Variants in CEP162 observed in about 807,000 individuals in gnomAD.
CEP162 encodes centrosomal protein 162.
CEP162 carries 141 observed loss-of-function variants against 169.2 expected under a neutral mutation model. The ratio of observed to expected loss-of-function variants is 0.83; its 90% confidence interval spans 0.73 to 0.96. The LOEUF is 0.96. Among genes scored for constraint, CEP162 ranks in the 40% least tolerant of loss-of-function variants. The pLI is 0.00. For missense variants in CEP162, 1,600 were observed against 1,587.2 expected, an observed-to-expected ratio of 1.01 and a Z score of -0.14; for synonymous variants, 540 against 526.4, an observed-to-expected ratio of 1.03 and a Z score of -0.35.
intron 24 of CEP162, among the ~76,000 whole-genome samples, chr6:84,148,332 C>G (rs1474340094): frequency 6.6e-6 from 1 of 151,978 alleles, no homozygotes; most frequent in Non-Finnish European, 1.5e-5. Context: ...AGTTCGAGAC[C>G]AACCTGGCCA....
At chr6:84,130,738 T>G (rs1284251950) in intron 25 of CEP162, among the ~76,000 whole-genome samples, 1 of 152,114 alleles carries the variant, frequency 6.6e-6, no homozygotes, top group East Asian at 1.9e-4. Context: ...TCTATTTGAT[T>G]CTTCTCTCTT....
At chr6:84,163,096 AG>A in intron 19 of CEP162, 47 bp downstream of exon 19, 1 of 1,570,964 alleles carries the variant, frequency 6.4e-7, no homozygotes, top group Non-Finnish European at 8.7e-7. Flanking sequence ...ATTCAACATT[AG>A]AACAGTTATG....
At chr6:84,203,947 G>T in intron 7 of CEP162, 34 bp downstream of exon 7, 1 of 1,373,142 alleles carries the variant, frequency 7.3e-7, no homozygotes, top group Non-Finnish European at 1.0e-6. Flanking sequence ...GAAAAAAGTT[G>T]CAAAACTGTC....
At chr6:84,204,473 TGAC>T (rs1310464933) in intron 6 of CEP162, among the ~76,000 whole-genome samples, 1 of 152,218 alleles carries the variant, frequency 6.6e-6, no homozygotes, top group Non-Finnish European at 1.5e-5. Context: ...TGCTCCTGAA[TGAC>T]TACTGGGTAA....
chr6:84,132,098 C>T (rs371509141), intron 25 of CEP162, among the ~76,000 whole-genome samples: 25 of 152,188 alleles, frequency 1.6e-4, no homozygotes, highest in East Asian at 1.2e-3. Context: ...CCTTCACTTA[C>T]GAAGCTTAGT....
intron 2 of CEP162, among the ~76,000 whole-genome samples, chr6:84,224,957 A>G (rs1049615563): frequency 6.6e-6 from 1 of 152,244 alleles, no homozygotes; most frequent in African/African-American, 2.4e-5. Context: ...CCAAGTGCCT[A>G]TTACATCTTG....
chr6:84,166,953 A>G (rs1396760630), intron 18 of CEP162, among the ~76,000 whole-genome samples: 1 of 152,198 alleles, frequency 6.6e-6, no homozygotes, highest in Non-Finnish European at 1.5e-5. Context: ...AAAAATTCCC[A>G]AATAATTTTT....
chr6:84,153,000 T>A lies in CEP162; in HGVS notation c.3174A>T (p.Glu1058Asp). The change falls in exon 23 of 27, where the codon GAA (glutamate) becomes GAT (aspartate). Residue 1058 changes from glutamate to aspartate, a missense_variant. Transcript: ENST00000403245. Reference sequence around the variant, plus strand: ...CTTTATCATTTTTCTTGACGTCTAATTCAGCATTCTGATGTTTAAGAACGT... The same window carrying A: ...CTTTATCATTTTTCTTGACGTCTAAATCAGCATTCTGATGTTTAAGAACGT... ...EIDVLKHQNA[E>D]LDVKKNDKDD... The A allele has an allele frequency of 1.2e-6, 2 of 1,613,626 alleles. No individual in the cohort carries two copies. The highest frequency in any genetic ancestry group is 1.1e-5 in the South Asian group (1 of 91,062).
At chr6:84,140,360 G>A (rs921972805) in intron 25 of CEP162, among the ~76,000 whole-genome samples, 4 of 152,144 alleles carry the variant, frequency 2.6e-5, no homozygotes, top group Admixed American at 2.0e-4. Context: ...TGGGAGGCTT[G>A]AAACACCATT....
At chr6:84,129,979 A>AGCATG (rs2099510602) in intron 25 of CEP162, among the ~76,000 whole-genome samples, 1 of 152,210 alleles carries the variant, frequency 6.6e-6, no homozygotes, top group African/African-American at 2.4e-5. Context: ...TTGCCCATTC[A>AGCATG]GCATGATATT....
chr6:84,160,715 G>T, intron 21 of CEP162, 97 bp downstream of exon 21: 1 of 714,668 alleles, frequency 1.4e-6, no homozygotes, highest in Non-Finnish European at 2.5e-6. Context: ...AAAATTTCCA[G>T]GTCAACTCCA....
chr6:84,163,233 A>G lies in CEP162; in HGVS notation c.2423T>C (p.Leu808Pro). 1 of 1,611,426 alleles carries G rather than the reference A, an allele frequency of 6.2e-7. No homozygotes were observed. Among genetic ancestry groups the G allele is most frequent in the Non-Finnish European group, 8.5e-7 (1 of 1,177,956 alleles). Residue 808 changes from leucine (L) to proline (P), a missense_variant, in exon 19 of 27, where the codon CTG (leucine) becomes CCG (proline). Transcript: ENST00000403245. ...KDSLLEDIKR[L>P]KQDKQALEVD... Reference sequence around the variant, plus strand: ...TTCAAGAGCTTGTTTGTCTTGTTTCAGTCTTTTGATGTCTTCCAATAAACT... The same window carrying G: ...TTCAAGAGCTTGTTTGTCTTGTTTCGGTCTTTTGATGTCTTCCAATAAACT...
chr6:84,176,576 C>A (rs1467359829), intron 13 of CEP162, among the ~76,000 whole-genome samples: 3 of 152,178 alleles, frequency 2.0e-5, no homozygotes, highest in Non-Finnish European at 4.4e-5. Flanking sequence ...AAAATCCAAA[C>A]TGCTCTAAAA....
chr6:84,189,390 G>A (rs960215640), intron 11 of CEP162, among the ~76,000 whole-genome samples: 6 of 152,150 alleles, frequency 3.9e-5, no homozygotes, highest in East Asian at 1.9e-4. Flanking sequence ...AGCGGGAACC[G>A]GGGCTGCGTG....
chr6:84,131,760 A>G (rs112293792), intron 25 of CEP162, among the ~76,000 whole-genome samples: 6,641 of 152,062 alleles, frequency 0.044, 472 homozygotes, highest in African/African-American at 0.15. Context: ...GGGTCTCCTG[A>G]ATACAGCACA....
intron 25 of CEP162, among the ~76,000 whole-genome samples, chr6:84,128,585 A>G (rs545284764): frequency 5.9e-5 from 9 of 152,106 alleles, no homozygotes; most frequent in Non-Finnish European, 1.2e-4. Context: ...TAGCATCAAT[A>G]TCTTCATCTA....
At chr6:84,145,453 G>GT (rs1755957076) in intron 25 of CEP162, among the ~76,000 whole-genome samples, 1 of 152,008 alleles carries the variant, frequency 6.6e-6, no homozygotes, top group Admixed American at 6.6e-5. Flanking sequence ...TTTTGCCATT[G>GT]GTCTTATTGT....
chr6:84,174,069 T>C lies in CEP162; in HGVS notation c.2145A>G (p.Thr715=). The change falls in exon 16 of 27, where the codon ACA becomes ACG. Residue 715 remains threonine (T), a synonymous_variant. Coordinates refer to ENST00000403245, the MANE Select transcript of CEP162 (RefSeq NM_014895.4). ...ATACCTGTTGATATCCTTGAAGAAG[T>C]GTCTCTTGTTCTTGTATTTCTTTTT... is the stretch of plus-strand genomic sequence containing the variant. ...QIQKEIQEQE[T]LLQGYQQENE... is the part of the protein sequence containing the mutation. 6.2e-7 allele frequency: 1 copy of C among 1,612,322 alleles called. No individual in the cohort carries two copies. The highest frequency in any genetic ancestry group is 2.2e-5 in the East Asian group (1 of 44,850).
At chr6:84,211,633 C>G (rs2099549540) in intron 6 of CEP162, among the ~76,000 whole-genome samples, 1 of 147,488 alleles carries the variant, frequency 6.8e-6, no homozygotes, top group Non-Finnish European at 1.5e-5. Context: ...CTATTGTGAA[C>G]AGTGAAGCAC....
Sources: gnomAD v4.1 joint callset for allele counts (sites outside exome capture counted in the v4.1 genomes callset) on GRCh38, gnomAD v4.1.1 for gene constraint, MANE v1.5 for transcripts, NCBI Gene and HGNC (gene_info 2026-07-23, HGNC 2026-07-21) for gene names.